CDC42SE2: variants seen among roughly 807,000 people sequenced by gnomAD.
CDC42SE2 encodes CDC42 small effector 2, also known as CDC42 small effector protein 2.
Under a neutral mutation model 11.5 loss-of-function variants are expected in CDC42SE2, and 3 were observed. The ratio of observed to expected loss-of-function variants is 0.26; its 90% confidence interval spans 0.12 to 0.67. CDC42SE2 has a LOEUF of 0.67. Ranked by LOEUF, CDC42SE2 falls within the 30% of genes least tolerant of loss-of-function variation. The probability of loss-of-function intolerance (pLI) is 0.80; values close to 1 mark genes in which losing one functional copy is unlikely to be tolerated. For synonymous variants in CDC42SE2, 33 were observed against 34.8 expected, an observed-to-expected ratio of 0.95 and a Z score of 0.18; for missense variants, 82 against 106.8, an observed-to-expected ratio of 0.77 and a Z score of 1.02.
chr5:131,309,722 G>A (rs1179720676), intron 1 of CDC42SE2, among the ~76,000 whole-genome samples: 2 of 151,888 alleles, frequency 1.3e-5, no homozygotes, highest in Non-Finnish European at 2.9e-5. Context: ...AGATTTTCTA[G>A]TTTATTTGCG....
rs1048076853 is a variant in CDC42SE2, at chr5:131,334,443, T to C, written c.-286+18299T>C. ...AAATTCTCTTTTTTGGTTGTGTCTC[T>C]GCCCGGCTTTGGTATCAGGATGATG... On this transcript the variant is annotated intron_variant, in intron 2 of 4. Transcript: ENST00000505065. Among the ~76,000 whole-genome samples, 87 of 152,212 alleles carry C rather than the reference T, an allele frequency of 5.7e-4. 1 individual carries two copies. The highest frequency in any genetic ancestry group is 7.1e-4 in the Non-Finnish European group (48 of 68,030).
chr5:131,292,907 A>C (rs1426715897), intron 1 of CDC42SE2, among the ~76,000 whole-genome samples: 22 of 11,206 alleles, frequency 2.0e-3, no homozygotes, highest in African/African-American at 2.4e-3. Flanking sequence ...ACCCTGTCTC[A>C]AAAAAAAAAA....
intron 1 of CDC42SE2, among the ~76,000 whole-genome samples, chr5:131,269,232 G>A (rs140365161): frequency 7.9e-4 from 120 of 152,230 alleles, no homozygotes; most frequent in African/African-American, 2.8e-3. Flanking sequence ...TTGGTAATAA[G>A]TTGTCTTAAT....
At chr5:131,216,515 A>AC in the CDC42SE2 span, among the ~76,000 whole-genome samples, 2 of 121,632 alleles carry the variant, frequency 1.6e-5, no homozygotes, top group Non-Finnish European at 3.9e-5. Context: ...AAAAAAAAAA[A>AC]AAAAAAACAT....
intron 2 of CDC42SE2, among the ~76,000 whole-genome samples, chr5:131,343,410 A>G (rs944198321): frequency 6.6e-6 from 1 of 152,116 alleles, no homozygotes; most frequent in Admixed American, 6.5e-5. Flanking sequence ...TTTAGGGAAT[A>G]TGGATAAAGA....
intron 1 of CDC42SE2, among the ~76,000 whole-genome samples, chr5:131,303,068 T>A (rs1256455106): frequency 3.9e-5 from 6 of 152,228 alleles, no homozygotes; most frequent in Non-Finnish European, 5.9e-5. Flanking sequence ...AGATGACTTT[T>A]CACTTAAACT....
chr5:131,325,952 A>G (rs765632943), intron 2 of CDC42SE2, among the ~76,000 whole-genome samples: 1 of 152,218 alleles, frequency 6.6e-6, no homozygotes, highest in Non-Finnish European at 1.5e-5. Flanking sequence ...TTTGGTCACA[A>G]TAATTGGTTC....
At chr5:131,285,347 T>C (rs1045661230) in intron 1 of CDC42SE2, among the ~76,000 whole-genome samples, 1 of 152,150 alleles carries the variant, frequency 6.6e-6, no homozygotes, top group East Asian at 1.9e-4. Flanking sequence ...GTTACTGATA[T>C]AAATTTATTC....
the CDC42SE2 span, among the ~76,000 whole-genome samples, chr5:131,238,884 T>C: frequency 2.0e-5 from 3 of 152,142 alleles, no homozygotes; most frequent in African/African-American, 7.2e-5. Flanking sequence ...AAATTATTAT[T>C]ACACCGGGCA....
intron 2 of CDC42SE2, among the ~76,000 whole-genome samples, chr5:131,350,855 T>C (rs1426501544): frequency 6.6e-6 from 1 of 152,168 alleles, no homozygotes; most frequent in Non-Finnish European, 1.5e-5. Flanking sequence ...CTAAGTCTTA[T>C]TATAATGGTA....
At chr5:131,302,649 C>T (rs140209108) in intron 1 of CDC42SE2, among the ~76,000 whole-genome samples, 20 of 152,278 alleles carry the variant, frequency 1.3e-4, no homozygotes, top group African/African-American at 4.6e-4. Flanking sequence ...TTCTATACTG[C>T]CTCCTTCAGC....
intron 2 of CDC42SE2, among the ~76,000 whole-genome samples, chr5:131,336,427 A>G (rs1487890253): frequency 2.0e-5 from 3 of 151,958 alleles, no homozygotes; most frequent in African/African-American, 4.8e-5. Flanking sequence ...TTCAACTTTG[A>G]TGAATCTGAC....
At chr5:131,305,914 T>A (rs1757768949) in intron 1 of CDC42SE2, among the ~76,000 whole-genome samples, 1 of 152,234 alleles carries the variant, frequency 6.6e-6, no homozygotes, top group Admixed American at 6.5e-5. Flanking sequence ...TTTAATCCAT[T>A]CTGAGTTGAT....
chr5:131,216,518 A>AAAAAAAAAAAAAAAC, the CDC42SE2 span, among the ~76,000 whole-genome samples: 1 of 146,008 alleles, frequency 6.8e-6, no homozygotes, highest in African/African-American at 2.7e-5. Flanking sequence ...AAAAAAAAAA[A>AAAAAAAAAAAAAAAC]AAAACATTAT....
intron 1 of CDC42SE2, among the ~76,000 whole-genome samples, chr5:131,298,337 ACTCAGGTGATCCGAT>A (rs1393527376): frequency 3.3e-5 from 5 of 151,076 alleles, no homozygotes; most frequent in Non-Finnish European, 5.9e-5. Flanking sequence ...GAACTCCCGA[ACTCAGGTGATCCGAT>A]CTCAGGTGAT....
intron 2 of CDC42SE2, among the ~76,000 whole-genome samples, chr5:131,339,646 A>G (rs1758661892): frequency 6.6e-6 from 1 of 152,002 alleles, no homozygotes; most frequent in Non-Finnish European, 1.5e-5. Context: ...ATCTCTACTA[A>G]AAATACAAAA....
chr5:131,297,004 A>G (rs1221619510), intron 1 of CDC42SE2, among the ~76,000 whole-genome samples: 1 of 152,132 alleles, frequency 6.6e-6, no homozygotes, highest in Non-Finnish European at 1.5e-5. Flanking sequence ...TAAAATTTTG[A>G]TGAAAGTAGA....
At chr5:131,320,251 G>C (rs1363218909) in intron 2 of CDC42SE2, among the ~76,000 whole-genome samples, 3 of 151,104 alleles carry the variant, frequency 2.0e-5, no homozygotes, top group Admixed American at 2.0e-4. Flanking sequence ...ATTAAGTCAG[G>C]CGTGGTGGTG....
chr5:131,276,643 G>A (rs899878845), intron 1 of CDC42SE2, among the ~76,000 whole-genome samples: 10 of 151,900 alleles, frequency 6.6e-5, no homozygotes, highest in Admixed American at 2.6e-4. Context: ...TCGCCACAAT[G>A]TGTGTGTGGG....
Sources: gnomAD v4.1 joint callset for allele counts (sites outside exome capture counted in the v4.1 genomes callset) on GRCh38, gnomAD v4.1.1 for gene constraint, MANE v1.5 for transcripts, NCBI Gene and HGNC (gene_info 2026-07-23, HGNC 2026-07-21) for gene names.